MBNL1: variants seen among roughly 807,000 people sequenced by gnomAD.
MBNL1 encodes the protein muscleblind like splicing regulator 1.
Under a neutral mutation model 42.2 loss-of-function variants are expected in MBNL1, and 8 were observed. The observed-to-expected ratio is 0.19, with a 90% CI of 0.11 to 0.34. MBNL1 has a LOEUF of 0.34. Among genes scored for constraint, MBNL1 ranks in the 10% least tolerant of loss-of-function variants. The pLI is 1.00. For missense variants in MBNL1, 309 were observed against 495.3 expected, an observed-to-expected ratio of 0.62 and a Z score of 3.57; for synonymous variants, 169 against 173.9, an observed-to-expected ratio of 0.97 and a Z score of 0.22.
intron 1 of MBNL1, among the ~76,000 whole-genome samples, chr3:152,285,177 T>C (rs1299544421): frequency 1.3e-5 from 2 of 152,224 alleles, no homozygotes. Flanking sequence ...CCACAAGCAA[T>C]GCAGTAGTGG....
intron 6 of MBNL1, among the ~76,000 whole-genome samples, chr3:152,454,831 T>A (rs1730457748): frequency 6.6e-6 from 1 of 152,186 alleles, no homozygotes; most frequent in African/African-American, 2.4e-5. Context: ...GTAAACCAAT[T>A]TGATACTTAT....
In MBNL1 at chr3:152,247,968, A is replaced by G. The variant is rs535329424; in HGVS notation, n.333+3528A>G. The stretch of plus-strand genomic sequence containing the variant: ...AAATTTCATACCTCATTATTATTCT[A>G]CTTTACAGATATTTCATCATGAGCC... On this transcript the variant is annotated intron_variant and non_coding_transcript_variant, in intron 2 of 2. Transcript: ENST00000477171. 7.3e-4 allele frequency among the ~76,000 whole-genome samples: 111 copies of G among 151,984 alleles called. 3 individuals are homozygous for G. Among genetic ancestry groups the G allele is most frequent in the African/African-American group, 2.6e-3 (110 of 41,522 alleles).
rs147805958 is a variant in MBNL1 at position 152,354,835 on chromosome 3, G to A, written c.174+54468G>A. Among the ~76,000 whole-genome samples the A allele has an allele frequency of 1.2e-4, 19 of 152,242 alleles. No homozygotes were observed. In the East Asian group the frequency reaches 3.5e-3, roughly 28 times the overall value. On this transcript the variant is annotated intron_variant, in intron 2 of 9. Coordinates refer to ENST00000324210, the MANE Select transcript of MBNL1 (RefSeq NM_021038.5). ...GGAAATTGAAATTCAGTGTTTAAAT[G>A]ATTCCCCCTTAGTATTTGCTTCTAT...
intron 1 of MBNL1, among the ~76,000 whole-genome samples, chr3:152,278,121 A>G (rs1028355565): frequency 2.0e-5 from 3 of 152,096 alleles, no homozygotes; most frequent in Non-Finnish European, 4.4e-5. Context: ...TTTTTAAGTA[A>G]CTAAGATTAA....
At chr3:152,288,053 C>CT (rs1390580698) in intron 1 of MBNL1, among the ~76,000 whole-genome samples, 2 of 152,134 alleles carry the variant, frequency 1.3e-5, no homozygotes, top group Non-Finnish European at 2.9e-5. Context: ...AGAAGCCTAA[C>CT]TTTATTTATA....
chr3:152,412,982 T>G (rs2098624854), intron 2 of MBNL1, among the ~76,000 whole-genome samples: 1 of 152,182 alleles, frequency 6.6e-6, no homozygotes, highest in African/African-American at 2.4e-5. Flanking sequence ...GCCAAATTAT[T>G]CTTTGTATTG....
In MBNL1 at chr3:152,258,873, T is replaced by C. The variant is rs931140891; in HGVS notation, n.333+14433T>C. ...TGATATTGGTGCCAAACATTCCCTT[T>C]CCCACAAGTTCAAGAGTAATCAAGA... is the stretch of plus-strand genomic sequence containing the variant. On this transcript the variant is annotated intron_variant and non_coding_transcript_variant, in intron 2 of 2. Coordinates refer to the MBNL1 transcript ENST00000477171. 7.2e-5 allele frequency among the ~76,000 whole-genome samples: 11 copies of C among 152,346 alleles called. No individual in the cohort carries two copies. The East Asian group carries it at 1.9e-3, about 27-fold the overall frequency.
At chr3:152,373,402 G>C (rs1328434439) in intron 2 of MBNL1, among the ~76,000 whole-genome samples, 3 of 150,526 alleles carry the variant, frequency 2.0e-5, no homozygotes, top group Admixed American at 2.0e-4. Context: ...CTAAATGGCT[G>C]CCCTGTTTTG....
intron 2 of MBNL1, among the ~76,000 whole-genome samples, chr3:152,262,339 T>G (rs1193578327): frequency 6.6e-6 from 1 of 151,982 alleles, no homozygotes; most frequent in Non-Finnish European, 1.5e-5. Context: ...TATTCAAAGG[T>G]CTCTTTAGAA....
chr3:152,276,322 A>G lies in MBNL1; in HGVS notation c.-790+7230A>G, dbSNP rs182553793. On this transcript the variant is annotated intron_variant, in intron 1 of 9. Transcript: ENST00000324210. ...TTCATTTATTCCTCAGAACAACCCT[A>G]TGGTATAGGTACTGTTAATATTCTG... Among the ~76,000 whole-genome samples the G allele has an allele frequency of 9.3e-4, 141 of 152,248 alleles. 1 individual carries two copies. The highest frequency in any genetic ancestry group is 2.9e-3 in the South Asian group (14 of 4,818).
At chr3:152,450,175 TATA>T (rs1198677993) in intron 6 of MBNL1, among the ~76,000 whole-genome samples, 6 of 149,262 alleles carry the variant, frequency 4.0e-5, no homozygotes, top group African/African-American at 1.5e-4. Context: ...ATTTCTCAAA[TATA>T]ATCAATATAG....
intron 2 of MBNL1, among the ~76,000 whole-genome samples, chr3:152,368,211 T>A (rs1051637810): frequency 2.0e-5 from 3 of 152,324 alleles, no homozygotes; most frequent in Admixed American, 6.5e-5. Flanking sequence ...AGGGGTCCAG[T>A]TTCAGTTTTC....
At position 152,445,512 on chromosome 3, in the gene MBNL1, A is replaced by C. The variant is rs1190369167; in HGVS notation, c.780A>C (p.Ala260=). The C allele has an allele frequency of 1.2e-6, 2 of 1,610,062 alleles. No individual in the cohort carries two copies. The highest frequency in any genetic ancestry group is 2.2e-5 in the East Asian group (1 of 44,538). The change falls in exon 5 of 10, where the codon GCA becomes GCC. Residue 260 remains alanine (A), a synonymous_variant. Transcript: ENST00000324210. ...AQYQVNQAAA[A]QAAATAAAMG... is the part of the protein sequence containing the mutation. ...ACCAGGTCAACCAGGCTGCAGCTGCACAGGCTGCAGCCACCGCAGCTGCCA... is the reference window on the plus strand; with the variant it reads ...ACCAGGTCAACCAGGCTGCAGCTGCCCAGGCTGCAGCCACCGCAGCTGCCA...
chr3:152,396,675 C>T (rs976493432), intron 2 of MBNL1, among the ~76,000 whole-genome samples: 6 of 152,114 alleles, frequency 3.9e-5, no homozygotes, highest in African/African-American at 1.4e-4. Context: ...CTATATTAAG[C>T]TTTATTGCAG....
chr3:152,400,342 G>A (rs1270903407), intron 2 of MBNL1, among the ~76,000 whole-genome samples: 2 of 152,134 alleles, frequency 1.3e-5, no homozygotes, highest in African/African-American at 4.8e-5. Flanking sequence ...TTTAACTTGA[G>A]CTTAAGCAAC....
At chr3:152,314,676 A>C (rs1397195446) in intron 2 of MBNL1, among the ~76,000 whole-genome samples, 1 of 152,196 alleles carries the variant, frequency 6.6e-6, no homozygotes, top group Non-Finnish European at 1.5e-5. Context: ...TGCCTGGCCT[A>C]GCTCCAAAAT....
chr3:152,304,899 GTTT>G (rs1394306085), intron 2 of MBNL1, among the ~76,000 whole-genome samples: 2 of 151,896 alleles, frequency 1.3e-5, no homozygotes, highest in African/African-American at 2.4e-5. Flanking sequence ...ATGAGTAAAG[GTTT>G]TTTTAGACTA....
chr3:152,385,678 T>C (rs1001861087), intron 2 of MBNL1, among the ~76,000 whole-genome samples: 7 of 152,060 alleles, frequency 4.6e-5, no homozygotes, highest in African/African-American at 1.7e-4. Context: ...AGACTGATAC[T>C]TTCAAAAATC....
In MBNL1 at chr3:152,356,613, G is replaced by A. The variant is rs972480756; in HGVS notation, c.174+56246G>A. On this transcript the variant is annotated intron_variant, in intron 2 of 9. Coordinates refer to ENST00000324210, the MANE Select transcript of MBNL1 (RefSeq NM_021038.5). ...GTCTCCCTAGTAGCTGGGATTACAC[G>A]TTCGCACCACCACTCCCAGCTAATT... 3.9e-5 allele frequency among the ~76,000 whole-genome samples: 6 copies of A among 152,198 alleles called. No homozygotes were observed. The South Asian group carries it at 8.3e-4, about 21-fold the overall frequency.
Sources: allele counts gnomAD v4.1 joint callset (sites outside exome capture counted in the v4.1 genomes callset), GRCh38; gene constraint gnomAD v4.1.1; transcripts MANE v1.5; gene names NCBI Gene and HGNC (gene_info 2026-07-23, HGNC 2026-07-21).